The following COBLL1 variants were observed in gnomAD, a reference collection of about 807,000 sequenced individuals.
COBLL1 encodes cordon-bleu WH2 repeat protein like 1, also known as cordon-bleu protein-like 1.
A neutral mutation model predicts 94.8 loss-of-function variants in COBLL1; 50 were observed. The observed-to-expected ratio is 0.53, with a 90% CI of 0.42 to 0.67. The LOEUF is 0.67. Among genes scored for constraint, COBLL1 ranks in the 30% least tolerant of loss-of-function variants. The pLI is 0.00. For synonymous variants in COBLL1, 448 were observed against 473.8 expected, an observed-to-expected ratio of 0.95 and a Z score of 0.71; for missense variants, 1,362 against 1,348.7, an observed-to-expected ratio of 1.01 and a Z score of -0.15.
chr2:164,718,375 A>G (rs536183560), intron 7 of COBLL1: 10 of 325,052 alleles, frequency 3.1e-5, no homozygotes, highest in African/African-American at 1.8e-4. Flanking sequence ...ATATTATTCA[A>G]TCCTTCGAAA....
At chr2:164,783,871 C>T (rs1416212881) in intron 2 of COBLL1, among the ~76,000 whole-genome samples, 1 of 152,052 alleles carries the variant, frequency 6.6e-6, no homozygotes, top group Non-Finnish European at 1.5e-5. Flanking sequence ...GAGGCTGAAG[C>T]AGGAAGATTG....
intron 2 of COBLL1, among the ~76,000 whole-genome samples, chr2:164,775,866 T>C (rs1688438544): frequency 1.3e-5 from 2 of 152,110 alleles, no homozygotes; most frequent in Non-Finnish European, 2.9e-5. Context: ...TTACTACCCA[T>C]ATTTTAAAAT....
chr2:164,719,790 T>A (rs1196481794), intron 7 of COBLL1, among the ~76,000 whole-genome samples: 1 of 152,106 alleles, frequency 6.6e-6, no homozygotes, highest in African/African-American at 2.4e-5. Context: ...GCAAGGAACA[T>A]ATTCAAACCA....
chr2:164,732,728 G>GT (rs1348160770), intron 3 of COBLL1, among the ~76,000 whole-genome samples: 2 of 152,082 alleles, frequency 1.3e-5, no homozygotes, highest in African/African-American at 2.4e-5. Flanking sequence ...TAAATATACA[G>GT]TTTTTTTGAA....
intron 2 of COBLL1, among the ~76,000 whole-genome samples, chr2:164,754,652 G>A (rs1311621740): frequency 1.3e-5 from 2 of 152,150 alleles, no homozygotes; most frequent in Non-Finnish European, 2.9e-5. Flanking sequence ...GTGATTTGAC[G>A]TACTCGCTGT....
intron 2 of COBLL1, among the ~76,000 whole-genome samples, chr2:164,658,342 G>A (rs1440263498): frequency 6.6e-6 from 1 of 152,090 alleles, no homozygotes; most frequent in Non-Finnish European, 1.5e-5. Context: ...TAGTAGGGGT[G>A]GTGCAGTTGA....
At chr2:164,784,781 A>G (rs113375365) in intron 2 of COBLL1, among the ~76,000 whole-genome samples, 3 of 152,070 alleles carry the variant, frequency 2.0e-5, no homozygotes, top group African/African-American at 7.2e-5. Context: ...GAAATTTGCT[A>G]TTTTCATTTT....
rs1205958615 is a variant in COBLL1 at position 164,695,482 on chromosome 2, T to C, written c.1910A>G (p.Asn637Ser). 1.2e-6 allele frequency: 2 copies of C among 1,613,872 alleles called. No homozygotes were observed. Among genetic ancestry groups the C allele is most frequent in the East Asian group, 2.2e-5 (1 of 44,874 alleles). Reference sequence around the variant, plus strand: ...TAAGCATGAGTGTTGAGTTGATATGTTGTTATTTGAAGTTTGCACACATTC... The same window carrying C: ...TAAGCATGAGTGTTGAGTTGATATGCTGTTATTTGAAGTTTGCACACATTC... ...VEECVQTSNN[N>S]ISTQHSCLSS... Residue 637 changes from asparagine to serine, a missense_variant, in exon 12 of 14, where the codon AAC (asparagine) becomes AGC (serine). Coordinates refer to ENST00000652658, the MANE Select transcript of COBLL1 (RefSeq NM_001365672.2).
chr2:164,835,774 T>C (rs1024327264), intron 2 of COBLL1, among the ~76,000 whole-genome samples: 1 of 152,212 alleles, frequency 6.6e-6, no homozygotes, highest in Non-Finnish European at 1.5e-5. Context: ...ATTCTAAGCA[T>C]AGACATAATG....
rs1491485861 is a variant in COBLL1 at position 164,818,714 on chromosome 2, A to AGT, written c.41+22440_41+22441dup. 2.8e-3 allele frequency among the ~76,000 whole-genome samples: 379 copies of AGT among 135,048 alleles called. 4 individuals carry two copies. The highest frequency in any genetic ancestry group is 9.3e-3 in the African/African-American group (326 of 34,916). 88.6% of individuals were successfully genotyped at this position (135,048 alleles called of 152,430 possible). On this transcript the variant is annotated intron_variant, in intron 2 of 13. Transcript: ENST00000652658. ...TATATGTACTTATGTAAACATATAT[A>AGT]GTATATATATATGTACTTATGTAAA...
chr2:164,673,388 G>A (rs1316615022), intron 1 of COBLL1, among the ~76,000 whole-genome samples: 4 of 152,008 alleles, frequency 2.6e-5, no homozygotes, highest in African/African-American at 9.7e-5. Context: ...TGGGCGCGGT[G>A]GCTAGGCCAG....
At chr2:164,763,872 A>T (rs991435272) in intron 2 of COBLL1, among the ~76,000 whole-genome samples, 2 of 152,162 alleles carry the variant, frequency 1.3e-5, no homozygotes, top group African/African-American at 4.8e-5. Flanking sequence ...GCCTTTAAAG[A>T]TTAAATGTTT....
chr2:164,721,990 A>T, intron 7 of COBLL1, 85 bp downstream of exon 7: 1 of 1,005,296 alleles, frequency 9.9e-7, no homozygotes, highest in African/African-American at 1.6e-5. Context: ...TTACTAGTCT[A>T]CCTAGAAAAG....
At chr2:164,687,384 T>C (rs1468031811) in intron 13 of COBLL1, 6 of 796,490 alleles carry the variant, frequency 7.5e-6, no homozygotes, top group Non-Finnish European at 1.3e-5. Context: ...TGTCTTCAAA[T>C]TCATCGACAT....
At chr2:164,778,068 C>T (rs780821317) in intron 2 of COBLL1, among the ~76,000 whole-genome samples, 19 of 152,112 alleles carry the variant, frequency 1.2e-4, no homozygotes, top group Non-Finnish European at 2.4e-4. Context: ...ACAACAGCCA[C>T]AAAAAGATAA....
At chr2:164,794,758 C>CCA (rs1683355732) in intron 2 of COBLL1, among the ~76,000 whole-genome samples, 1 of 151,744 alleles carries the variant, frequency 6.6e-6, no homozygotes, top group African/African-American at 2.4e-5. Context: ...TTTCAACCCC[C>CCA]TCATGAAGAC....
At chr2:164,739,633 C>A (rs72880626) in intron 3 of COBLL1, among the ~76,000 whole-genome samples, 2,450 of 152,264 alleles carry the variant, frequency 0.016, 23 homozygotes, top group South Asian at 0.028. Context: ...GCATTGAAGT[C>A]TTTTCAGAGT....
intron 7 of COBLL1, among the ~76,000 whole-genome samples, chr2:164,706,487 G>A (rs538738537): frequency 1.6e-3 from 240 of 152,222 alleles, no homozygotes; most frequent in African/African-American, 5.0e-3. Context: ...CCAAATCCAC[G>A]TCTCTATCTT....
At chr2:164,724,911 C>T (rs1417986207) in intron 5 of COBLL1, 1 of 151,656 alleles carries the variant, frequency 6.6e-6, no homozygotes, top group Non-Finnish European at 1.5e-5. Flanking sequence ...ATTAAATAAG[C>T]AGCATACATT....
Sources: allele counts gnomAD v4.1 joint callset (sites outside exome capture counted in the v4.1 genomes callset), GRCh38; gene constraint gnomAD v4.1.1; transcripts MANE v1.5; gene names NCBI Gene and HGNC (gene_info 2026-07-23, HGNC 2026-07-21).